Variants in SCARB1 observed in about 807,000 individuals in gnomAD.
The protein encoded by SCARB1 is CD36 and LIMPII analogous 1.
SCARB1 carries 30 observed loss-of-function variants against 57.2 expected under a neutral mutation model. That is an observed-to-expected ratio of 0.52 (90% CI 0.39 to 0.71). The LOEUF (loss-of-function observed/expected upper bound fraction) is 0.71. SCARB1 is among the 30% of genes least tolerant of loss of function. SCARB1 has a pLI of 0.00. For missense variants in SCARB1, 543 were observed against 671.2 expected, an observed-to-expected ratio of 0.81 and a Z score of 2.11; for synonymous variants, 249 against 268.3, an observed-to-expected ratio of 0.93 and a Z score of 0.70.
In SCARB1 at chr12:124,852,974, G is replaced by T. The variant is rs375583263; in HGVS notation, c.126+10621C>A. Among the ~76,000 whole-genome samples the T allele has an allele frequency of 1.6e-4, 25 of 152,258 alleles. No individual in the cohort carries two copies. The South Asian group carries it at 4.8e-3, about 29-fold the overall frequency. On this transcript the variant is annotated intron_variant, in intron 1 of 12. Transcript: ENST00000261693. Reference sequence around the variant, plus strand: ...GAGTCGTTTGAACCGGGGAGGAGGAGGTTGCAGTGAGCCGAGATGGGGCCA... The same window carrying T: ...GAGTCGTTTGAACCGGGGAGGAGGATGTTGCAGTGAGCCGAGATGGGGCCA...
intron 9 of SCARB1, among the ~76,000 whole-genome samples, chr12:124,793,481 C>A (rs1225586457): frequency 6.6e-6 from 1 of 151,800 alleles, no homozygotes; most frequent in Non-Finnish European, 1.5e-5. Context: ...ATCACGAGGT[C>A]AGGAGATCGA....
chr12:124,856,747 A>C (rs546498665), intron 1 of SCARB1, among the ~76,000 whole-genome samples: 29 of 152,110 alleles, frequency 1.9e-4, no homozygotes, highest in Non-Finnish European at 4.0e-4. Flanking sequence ...CCTCCCCCCC[A>C]GGTTCCGCAG....
In SCARB1 at chr12:124,787,370, C is replaced by T. The variant is rs902827603; in HGVS notation, c.1254+36G>A. 4 of 1,607,898 alleles carry T rather than the reference C, an allele frequency of 2.5e-6. No individual in the cohort carries two copies. In the African/African-American group the frequency reaches 5.3e-5, roughly 21 times the overall value. On this transcript the variant is annotated intron_variant, in intron 10 of 12. Coordinates refer to ENST00000261693, the MANE Select transcript of SCARB1 (RefSeq NM_005505.5). ...CTCAAATGCCCACATTGGCTCTTAA[C>T]AAAAGCCCCCGACGCTGTGCCCAAC...
intron 1 of SCARB1, among the ~76,000 whole-genome samples, chr12:124,855,882 G>A (rs1594403979): frequency 6.6e-6 from 1 of 152,328 alleles, no homozygotes; most frequent in Non-Finnish European, 1.5e-5. Flanking sequence ...CAACAAGCCT[G>A]CAGCAAATCG....
intron 1 of SCARB1, among the ~76,000 whole-genome samples, chr12:124,837,442 GAAAA>G (rs1382852843): frequency 7.3e-6 from 1 of 136,674 alleles, no homozygotes; most frequent in African/African-American, 2.8e-5. Flanking sequence ...AGGGAAGAAA[GAAAA>G]GAAAGAAAGA....
chr12:124,785,955 G>T, intron 11 of SCARB1: 1 of 1,048,902 alleles, frequency 9.5e-7, no homozygotes, highest in Non-Finnish European at 1.3e-6. Context: ...CCCCGGCTGG[G>T]ATGCCAGCCC....
At position 124,800,290 on chromosome 12, in the gene SCARB1, C is replaced by T. The variant is rs1388727486; in HGVS notation, c.1010-48G>A. On this transcript the variant is annotated intron_variant, in intron 7 of 12. Coordinates refer to ENST00000261693, the MANE Select transcript of SCARB1 (RefSeq NM_005505.5). This position sits in a 1 kb window ranked among gnomAD's most constrained non-coding sequence, Gnocchi z 4.8. ...ACATCAGACAAGGACAGTATATTGG[C>T]AGGTCCTGCCAGGCCGGAGGTCTGC... 3 of 1,411,562 alleles carry T rather than the reference C, an allele frequency of 2.1e-6. No homozygotes were observed. Among genetic ancestry groups the T allele is most frequent in the Non-Finnish European group, 3.0e-6 (3 of 1,000,862 alleles). The allele number at this position is 1,411,562 out of a possible 1,614,324, so 87.4% of individuals were successfully genotyped here. A position where few individuals can be genotyped will look rare whatever the true frequency, so the allele number is the denominator to read the frequency against.
chr12:124,827,461 G>A (rs1387297666), intron 1 of SCARB1, among the ~76,000 whole-genome samples: 2 of 152,074 alleles, frequency 1.3e-5, no homozygotes, highest in African/African-American at 2.4e-5. Context: ...AGGTGGTGGC[G>A]CCAAGGTCGT....
intron 1 of SCARB1, among the ~76,000 whole-genome samples, chr12:124,840,467 C>T (rs991172515): frequency 6.6e-6 from 1 of 152,168 alleles, no homozygotes; most frequent in Non-Finnish European, 1.5e-5. Context: ...TGAGCCACCG[C>T]GCCTGGCTGC....
At chr12:124,843,039 A>G (rs2135794440) in intron 1 of SCARB1, among the ~76,000 whole-genome samples, 1 of 152,102 alleles carries the variant, frequency 6.6e-6, no homozygotes, top group South Asian at 2.1e-4. Flanking sequence ...AACCCAAGTC[A>G]CCTCTGGAGC....
Position 124,810,469 on chromosome 12 carries a change from C to T in SCARB1, c.727-180G>A, listed in dbSNP as rs559658227. Among the ~76,000 whole-genome samples the T allele has an allele frequency of 6.6e-6, 1 of 152,178 alleles. No individual in the cohort carries two copies. Among genetic ancestry groups the T allele is most frequent in the Non-Finnish European group, 1.5e-5 (1 of 68,040 alleles). On this transcript the variant is annotated intron_variant, in intron 5 of 12. Transcript: ENST00000261693. This position sits in a 1 kb window ranked among gnomAD's most constrained non-coding sequence, Gnocchi z 4.0. ...CAGAGAGAATGCCTACCACAGCTTC[C>T]CCCTCCCAGACCCCTGAATGTGTAA...
At chr12:124,854,572 G>GT (rs1378335466) in intron 1 of SCARB1, among the ~76,000 whole-genome samples, 1 of 152,192 alleles carries the variant, frequency 6.6e-6, no homozygotes, top group Non-Finnish European at 1.5e-5. Context: ...TGGGGGAGAG[G>GT]TGATGGTGCC....
At chr12:124,848,125 C>T (rs1476706688) in intron 1 of SCARB1, among the ~76,000 whole-genome samples, 1 of 152,138 alleles carries the variant, frequency 6.6e-6, no homozygotes, top group Admixed American at 6.5e-5. Flanking sequence ...ACTCTGTCGC[C>T]CAGGCTGGAG....
At chr12:124,830,251 A>T (rs2135739002) in intron 1 of SCARB1, among the ~76,000 whole-genome samples, 1 of 152,356 alleles carries the variant, frequency 6.6e-6, no homozygotes, top group South Asian at 2.1e-4. Flanking sequence ...TGCTGGTGGA[A>T]GTGCATTAGT....
Position 124,814,138 on chromosome 12 carries a change from G to T in SCARB1, c.630+64C>A. ...AAAGCAAGCTGGTGACCAGTGTCCA[G>T]GCTGTGTGAGGGGAAGACAGGACAC... On this transcript the variant is annotated intron_variant, in intron 4 of 12. Coordinates refer to ENST00000261693, the MANE Select transcript of SCARB1 (RefSeq NM_005505.5). This position sits in a 1 kb window ranked among gnomAD's most constrained non-coding sequence, Gnocchi z 4.7. 6.8e-7 allele frequency: 1 copy of T among 1,479,344 alleles called. No homozygotes were observed. Among genetic ancestry groups the T allele is most frequent in the Non-Finnish European group, 9.5e-7 (1 of 1,058,080 alleles). The allele number at this position is 1,479,344 out of a possible 1,614,324, so 91.6% of individuals were successfully genotyped here.
At chr12:124,848,705 C>T (rs1255417135) in intron 1 of SCARB1, among the ~76,000 whole-genome samples, 2 of 152,224 alleles carry the variant, frequency 1.3e-5, no homozygotes, top group Non-Finnish European at 2.9e-5. Flanking sequence ...ATGCCTCCCT[C>T]GTGAGAACGG....
At chr12:124,848,852 C>A (rs1191151240) in intron 1 of SCARB1, among the ~76,000 whole-genome samples, 1 of 152,188 alleles carries the variant, frequency 6.6e-6, no homozygotes, top group Non-Finnish European at 1.5e-5. Context: ...ACCCACGGTG[C>A]AGCAAAGCGT....
chr12:124,790,211 A>C (rs1949678340), intron 9 of SCARB1, among the ~76,000 whole-genome samples: 1 of 151,586 alleles, frequency 6.6e-6, no homozygotes, highest in Non-Finnish European at 1.5e-5. Context: ...CCCTGTCTCT[A>C]CAAAAAAAAC....
chr12:124,806,485 C>T (rs1192343524), intron 7 of SCARB1, among the ~76,000 whole-genome samples: 7 of 152,196 alleles, frequency 4.6e-5, no homozygotes, highest in Non-Finnish European at 1.0e-4. Flanking sequence ...CACAGACCCT[C>T]GCCAGCCTCA....
Sources: gnomAD v4.1 joint callset for allele counts (sites outside exome capture counted in the v4.1 genomes callset) on GRCh38, gnomAD v4.1.1 for gene constraint, Gnocchi (gnomAD v3.1) non-coding constraint, MANE v1.5 for transcripts, NCBI Gene and HGNC (gene_info 2026-07-23, HGNC 2026-07-21) for gene names.